The following STPG2 variants were observed in gnomAD, a reference collection of about 807,000 sequenced individuals.
STPG2 encodes the protein sperm-tail PG-rich repeat-containing protein 2.
Under a neutral mutation model 54.2 loss-of-function variants are expected in STPG2, and 56 were observed. That is an observed-to-expected ratio of 1.03 (90% CI 0.83 to 1.29). The LOEUF (loss-of-function observed/expected upper bound fraction) is 1.29. Ranked by LOEUF, STPG2 falls within the 50% of genes most tolerant of loss-of-function variation. STPG2 has a pLI of 0.00. For synonymous variants in STPG2, 200 were observed against 181.8 expected (o/e 1.10, Z -0.81); for missense variants, 596 against 544.9 (o/e 1.09, Z -0.93).
At chr4:97,918,765 T>C (rs1731984534) in intron 8 of STPG2, among the ~76,000 whole-genome samples, 1 of 151,900 alleles carries the variant, frequency 6.6e-6, no homozygotes, top group Non-Finnish European at 1.5e-5. Context: ...AGTTAAGCTA[T>C]GAGAACACAA....
intron 9 of STPG2, among the ~76,000 whole-genome samples, chr4:97,798,036 C>T (rs150007186): frequency 0.24 from 37,131 of 151,842 alleles, 5,267 homozygotes; most frequent in Middle Eastern, 0.36. Flanking sequence ...TGGTGATATC[C>T]TCTTTATCGT....
intron 10 of STPG2, among the ~76,000 whole-genome samples, chr4:97,614,122 A>T (rs1196073288): frequency 6.6e-6 from 1 of 152,104 alleles, no homozygotes; most frequent in Non-Finnish European, 1.5e-5. Flanking sequence ...GATAAAAATA[A>T]AAAATATAAA....
intron 4 of STPG2, among the ~76,000 whole-genome samples, chr4:97,541,231 A>C (rs1052580806): frequency 5.9e-5 from 9 of 152,138 alleles, no homozygotes; most frequent in Admixed American, 1.3e-4. Context: ...CCATCATCTC[A>C]GCCCAAAATC....
At chr4:97,523,300 G>A (rs1019621603) in intron 4 of STPG2, among the ~76,000 whole-genome samples, 3 of 151,828 alleles carry the variant, frequency 2.0e-5, no homozygotes, top group East Asian at 1.9e-4. Flanking sequence ...TTTTAAGTAC[G>A]TAGTCTCATT....
At chr4:97,783,639 G>A (rs532409690) in intron 9 of STPG2, among the ~76,000 whole-genome samples, 8 of 152,190 alleles carry the variant, frequency 5.3e-5, no homozygotes, top group South Asian at 4.2e-4. Context: ...TGTTTACTGC[G>A]GCACTATTCA....
At chr4:98,058,610 A>G (rs186312691) in intron 5 of STPG2, among the ~76,000 whole-genome samples, 22 of 152,124 alleles carry the variant, frequency 1.4e-4, no homozygotes, top group Admixed American at 1.4e-3. Context: ...AAATAAAAAT[A>G]GTGGGAGACT....
At chr4:97,918,631 G>A (rs1202249465) in intron 8 of STPG2, among the ~76,000 whole-genome samples, 1 of 151,830 alleles carries the variant, frequency 6.6e-6, no homozygotes, top group East Asian at 1.9e-4. Flanking sequence ...ATACTACTAA[G>A]CCATAAAAAA....
chr4:98,026,191 T>C, intron 5 of STPG2: 2 of 1,241,026 alleles, frequency 1.6e-6, no homozygotes, highest in Admixed American at 1.7e-5. Context: ...AAATGTCCCT[T>C]GCTCAGAAGA....
intron 8 of STPG2, among the ~76,000 whole-genome samples, chr4:97,866,273 A>G (rs1342990004): frequency 1.3e-5 from 2 of 152,016 alleles, no homozygotes; most frequent in Non-Finnish European, 1.5e-5. Context: ...ATAACAAAAA[A>G]GGATAAATGC....
At chr4:97,654,254 CA>C (rs574543316) in intron 10 of STPG2, among the ~76,000 whole-genome samples, 19 of 151,922 alleles carry the variant, frequency 1.3e-4, no homozygotes, top group African/African-American at 4.3e-4. Context: ...TCAACAGTCA[CA>C]AAAAAATAAA....
chr4:97,665,979 C>T (rs1033357078), intron 10 of STPG2, among the ~76,000 whole-genome samples: 1 of 152,092 alleles, frequency 6.6e-6, no homozygotes, highest in African/African-American at 2.4e-5. Flanking sequence ...CACTTACAAG[C>T]CTATGGGGGT....
At chr4:97,890,996 G>A (rs1310057106) in intron 8 of STPG2, among the ~76,000 whole-genome samples, 1 of 151,662 alleles carries the variant, frequency 6.6e-6, no homozygotes, top group Non-Finnish European at 1.5e-5. Context: ...AGTATTATAG[G>A]CATATAATTT....
At chr4:97,574,920 C>A (rs1021163228) in intron 10 of STPG2, among the ~76,000 whole-genome samples, 1 of 150,982 alleles carries the variant, frequency 6.6e-6, no homozygotes, top group African/African-American at 2.4e-5. Flanking sequence ...AAAAGAAGGT[C>A]CAAATAAGGA....
At chr4:97,467,759 G>T (rs1729823629) in intron 4 of STPG2, among the ~76,000 whole-genome samples, 1 of 151,554 alleles carries the variant, frequency 6.6e-6, no homozygotes, top group Admixed American at 6.6e-5. Context: ...ATTAGATAGA[G>T]AGCAAGGAAC....
chr4:97,477,945 C>G (rs2148818965), intron 4 of STPG2, among the ~76,000 whole-genome samples: 1 of 152,144 alleles, frequency 6.6e-6, no homozygotes, highest in Middle Eastern at 3.4e-3. Flanking sequence ...AGCATGTTAA[C>G]TAAATAAAAA....
At chr4:97,534,993 T>A (rs1451100400) in intron 4 of STPG2, among the ~76,000 whole-genome samples, 1 of 152,222 alleles carries the variant, frequency 6.6e-6, no homozygotes, top group Non-Finnish European at 1.5e-5. Context: ...ATTTGATGAA[T>A]GTAATGCAAT....
At chr4:97,520,778 T>C (rs1037797951) in intron 4 of STPG2, among the ~76,000 whole-genome samples, 7 of 152,064 alleles carry the variant, frequency 4.6e-5, no homozygotes, top group Admixed American at 4.6e-4. Flanking sequence ...CAAATATTGT[T>C]TCTCTTTAAA....
chr4:97,468,760 A>T (rs951838518), intron 4 of STPG2, among the ~76,000 whole-genome samples: 1 of 152,056 alleles, frequency 6.6e-6, no homozygotes, highest in Non-Finnish European at 1.5e-5. Flanking sequence ...CCTTCTCCTT[A>T]GGCAGAGAAA....
chr4:97,773,806 C>T (rs778632337), intron 9 of STPG2, among the ~76,000 whole-genome samples: 2 of 152,078 alleles, frequency 1.3e-5, no homozygotes, highest in African/African-American at 2.4e-5. Flanking sequence ...TGCCCCACCC[C>T]TAAATTTCTC....
Sources: gnomAD v4.1 joint callset for allele counts (sites outside exome capture counted in the v4.1 genomes callset) on GRCh38, gnomAD v4.1.1 for gene constraint, MANE v1.5 for transcripts, NCBI Gene and HGNC (gene_info 2026-07-23, HGNC 2026-07-21) for gene names.